The following OLA1 variants were observed in gnomAD, a reference collection of about 807,000 sequenced individuals.
The protein encoded by OLA1 is Obg like ATPase 1.
Under a neutral mutation model 48.4 loss-of-function variants are expected in OLA1, and 14 were observed. That is an observed-to-expected ratio of 0.29 (90% CI 0.19 to 0.45). OLA1 has a LOEUF of 0.45. Among genes scored for constraint, OLA1 ranks in the 20% least tolerant of loss-of-function variants. The probability of loss-of-function intolerance (pLI) is 1.00; values close to 1 mark genes in which losing one functional copy is unlikely to be tolerated. For missense variants in OLA1, 325 were observed against 467.1 expected, an observed-to-expected ratio of 0.70 and a Z score of 2.80; for synonymous variants, 127 against 150.4, an observed-to-expected ratio of 0.84 and a Z score of 1.14.
chr2:174,088,868 C>A (rs1466991480), intron 7 of OLA1, among the ~76,000 whole-genome samples: 5 of 141,416 alleles, frequency 3.5e-5, no homozygotes, highest in African/African-American at 1.4e-4. Context: ...AGAGTGAAAT[C>A]CTGTCTCAAA....
chr2:174,239,138 T>G, intron 2 of OLA1, among the ~76,000 whole-genome samples: 1 of 152,192 alleles, frequency 6.6e-6, no homozygotes, highest in East Asian at 1.9e-4. Context: ...TAAGGGATAT[T>G]TTTTAATCAC....
At chr2:174,090,460 C>T (rs1685087897) in intron 7 of OLA1, among the ~76,000 whole-genome samples, 1 of 152,190 alleles carries the variant, frequency 6.6e-6, no homozygotes, top group African/African-American at 2.4e-5. Context: ...CATAGTTCCC[C>T]ATTCTCCAGC....
chr2:174,202,762 C>T (rs1393907799), intron 4 of OLA1, among the ~76,000 whole-genome samples: 2 of 152,056 alleles, frequency 1.3e-5, no homozygotes, highest in Non-Finnish European at 2.9e-5. Context: ...AAATTATTTT[C>T]CTTATGATTT....
At position 174,089,718 on chromosome 2, in the gene OLA1, A is replaced by G. The variant is rs545261751; in HGVS notation, c.729-7654T>C. On this transcript the variant is annotated intron_variant, in intron 7 of 10. Coordinates refer to ENST00000284719, the MANE Select transcript of OLA1 (RefSeq NM_013341.5). ...TGAGTTCGAGACCAGCCTGGGCAAC[A>G]TGGTGAAACGACGTTTCTACAAAAA... Among the ~76,000 whole-genome samples, 4 of 152,104 alleles carry G rather than the reference A, an allele frequency of 2.6e-5. 1 individual carries two copies. Among genetic ancestry groups the G allele is most frequent in the African/African-American group, 9.6e-5 (4 of 41,480 alleles).
rs549758998 is a variant in OLA1, at chr2:174,098,926, T to C, written c.729-16862A>G. Among the ~76,000 whole-genome samples, 429 of 152,338 alleles carry C rather than the reference T, an allele frequency of 2.8e-3. 2 individuals are homozygous for C. The highest frequency in any genetic ancestry group is 9.5e-3 in the African/African-American group (397 of 41,578). On this transcript the variant is annotated intron_variant, in intron 7 of 10. Transcript: ENST00000284719. ...AATCAGTTTTATCTGAGAAGGCAGG[T>C]CTAAGCACTAATCACTTCAAAGGCA...
chr2:174,194,739 G>A (rs1014064953), intron 4 of OLA1, among the ~76,000 whole-genome samples: 2 of 152,028 alleles, frequency 1.3e-5, no homozygotes, highest in African/African-American at 4.8e-5. Context: ...AATTTTTGAA[G>A]GAAAGAAGAG....
intron 5 of OLA1, among the ~76,000 whole-genome samples, chr2:174,129,453 G>A (rs191487004): frequency 3.1e-5 from 4 of 128,306 alleles, no homozygotes; most frequent in Non-Finnish European, 5.0e-5. Flanking sequence ...GCGAGACTCC[G>A]TCTCAATAAA....
At chr2:174,084,282 A>T (rs1327802177) in intron 7 of OLA1, among the ~76,000 whole-genome samples, 1 of 152,222 alleles carries the variant, frequency 6.6e-6, no homozygotes, top group East Asian at 1.9e-4. Flanking sequence ...AGTGACTGAC[A>T]TCAGACCTGC....
chr2:174,187,400 A>G (rs1011244012), intron 4 of OLA1, among the ~76,000 whole-genome samples: 1 of 152,228 alleles, frequency 6.6e-6, no homozygotes, highest in African/African-American at 2.4e-5. Flanking sequence ...TACAGCAGGC[A>G]CATTTGCTGT....
intron 8 of OLA1, 102 bp from the exon 9 acceptor site, chr2:174,081,350 A>AGGCCGGGCGCG: frequency 1.3e-6 from 1 of 786,360 alleles, no homozygotes; most frequent in Non-Finnish European, 2.1e-6. Context: ...TGTTAAAGAT[A>AGGCCGGGCGCG]GTAGTAAATG....
At chr2:174,108,987 T>C (rs1685578330) in intron 7 of OLA1, among the ~76,000 whole-genome samples, 2 of 152,180 alleles carry the variant, frequency 1.3e-5, no homozygotes, top group Admixed American at 1.3e-4. Flanking sequence ...TGTCAAAACT[T>C]TGTATCTTCC....
intron 7 of OLA1, among the ~76,000 whole-genome samples, chr2:174,104,445 TAGAA>T (rs1271054150): frequency 5.9e-5 from 9 of 152,044 alleles, no homozygotes; most frequent in African/African-American, 1.9e-4. Context: ...GAATAAATAT[TAGAA>T]AGAGTAGAAT....
intron 7 of OLA1, among the ~76,000 whole-genome samples, chr2:174,099,296 C>T (rs1490132717): frequency 6.6e-6 from 1 of 152,086 alleles, no homozygotes; most frequent in Non-Finnish European, 1.5e-5. Context: ...GCTGGGACTA[C>T]AGGTGCGTGC....
intron 7 of OLA1, among the ~76,000 whole-genome samples, chr2:174,083,958 C>T (rs900505112): frequency 3.3e-5 from 5 of 152,266 alleles, no homozygotes; most frequent in East Asian, 1.9e-4. Context: ...TAACAATAGT[C>T]CTACCCTGTC....
chr2:174,097,051 G>A (rs983876556), intron 7 of OLA1, among the ~76,000 whole-genome samples: 3 of 152,224 alleles, frequency 2.0e-5, no homozygotes, highest in African/African-American at 7.2e-5. Context: ...AGCTACTTGG[G>A]AGGCTGAGGC....
chr2:174,122,848 C>G (rs1054491405), intron 7 of OLA1, among the ~76,000 whole-genome samples: 1 of 151,476 alleles, frequency 6.6e-6, no homozygotes, highest in Non-Finnish European at 1.5e-5. Flanking sequence ...GCTAGAAATT[C>G]CTAGTGTAAG....
At chr2:174,219,898 G>A (rs1168695608) in intron 4 of OLA1, among the ~76,000 whole-genome samples, 2 of 152,148 alleles carry the variant, frequency 1.3e-5, no homozygotes, top group Non-Finnish European at 2.9e-5. Flanking sequence ...TTGGGAGGCT[G>A]AGGTGGGCAT....
chr2:174,096,685 T>C (rs974704195), intron 7 of OLA1, among the ~76,000 whole-genome samples: 5 of 152,148 alleles, frequency 3.3e-5, no homozygotes, highest in African/African-American at 9.6e-5. Flanking sequence ...GTAACTAAAA[T>C]AATACCTACC....
chr2:174,121,284 A>G (rs1249923958), intron 7 of OLA1, among the ~76,000 whole-genome samples: 2 of 152,214 alleles, frequency 1.3e-5, no homozygotes, highest in East Asian at 3.8e-4. Flanking sequence ...CTATCACACA[A>G]TATTTCCCAC....
Sources: allele counts gnomAD v4.1 joint callset (sites outside exome capture counted in the v4.1 genomes callset), GRCh38; gene constraint gnomAD v4.1.1; transcripts MANE v1.5; gene names NCBI Gene and HGNC (gene_info 2026-07-23, HGNC 2026-07-21).